The following ZNF638 variants were observed in gnomAD, a reference collection of about 807,000 sequenced individuals.
ZNF638 encodes CTCL tumor antigen se33-1.
Under a neutral mutation model 195.6 loss-of-function variants are expected in ZNF638, and 46 were observed. That is an observed-to-expected ratio of 0.24 (90% CI 0.19 to 0.30). The LOEUF (loss-of-function observed/expected upper bound fraction) is 0.30, where lower values mean the gene tolerates loss of function less well. ZNF638 is among the 10% of genes least tolerant of loss of function. The probability of loss-of-function intolerance (pLI) is 1.00; values close to 1 mark genes in which losing one functional copy is unlikely to be tolerated. For missense variants in ZNF638, 2,440 were observed against 2,325.3 expected, an observed-to-expected ratio of 1.05 and a Z score of -1.01; for synonymous variants, 845 against 772.0, an observed-to-expected ratio of 1.09 and a Z score of -1.57.
chr2:71,434,496 T>C (rs1489144415), intron 27 of ZNF638, among the ~76,000 whole-genome samples: 1 of 152,210 alleles, frequency 6.6e-6, no homozygotes, highest in Admixed American at 6.5e-5. Flanking sequence ...ATGTAAGCTT[T>C]ATTGTATAAA....
rs928315538 is a variant in ZNF638, at chr2:71,426,552, A to C, written c.4683A>C (p.Leu1561=). 1.2e-6 allele frequency: 2 copies of C among 1,614,102 alleles called. No homozygotes were observed. Among genetic ancestry groups the C allele is most frequent in the Non-Finnish European group, 1.7e-6 (2 of 1,180,006 alleles). ...VNPSQAKQNP[L]KGKRKETLKN... is the part of the protein sequence containing the mutation. ...CTTCTCAGGCCAAGCAGAATCCACT[A>C]AAGGGAAAAAGGAAAGAAACTCTCA... The change falls in exon 24 of 28, where the codon CTA becomes CTC. Residue 1561 remains leucine (L), a synonymous_variant. Coordinates refer to ENST00000264447, the MANE Select transcript of ZNF638 (RefSeq NM_014497.5).
intron 4 of ZNF638, 87 bp from the exon 5 acceptor site, chr2:71,363,866 GT>G (rs2079150676): frequency 1.4e-6 from 2 of 1,448,672 alleles, no homozygotes; most frequent in Non-Finnish European, 9.2e-7. Context: ...TTAACAGTCT[GT>G]TTTTAACAAG....
intron 21 of ZNF638, among the ~76,000 whole-genome samples, chr2:71,421,660 C>T (rs556473789): frequency 1.3e-5 from 2 of 152,174 alleles, no homozygotes; most frequent in Non-Finnish European, 2.9e-5. Flanking sequence ...AAAGGGATGG[C>T]TCATCCTCTC....
At chr2:71,345,782 C>T (rs779829005) in intron 1 of ZNF638, among the ~76,000 whole-genome samples, 3 of 152,114 alleles carry the variant, frequency 2.0e-5, no homozygotes, top group African/African-American at 7.2e-5. Flanking sequence ...CTAGGACTAC[C>T]GGCGTGAGTG....
In ZNF638 at chr2:71,367,431, A is replaced by ATTT. The variant is rs3077439; in HGVS notation, c.1996-933_1996-931dup. On this transcript the variant is annotated intron_variant, in intron 6 of 27. Coordinates refer to ENST00000264447, the MANE Select transcript of ZNF638 (RefSeq NM_014497.5). The stretch of plus-strand genomic sequence containing the variant: ...CCAACACACCCAGCTGGGTGTTTTA[A>ATTT]TTTTTTTTTTTTTTTTTTTTGAATC... Among the ~76,000 whole-genome samples, 96 of 112,710 alleles carry ATTT rather than the reference A, an allele frequency of 8.5e-4. 2 individuals are homozygous for ATTT. Among genetic ancestry groups the ATTT allele is most frequent in the African/African-American group, 2.7e-3 (77 of 28,822 alleles). 73.9% of individuals were successfully genotyped at this position (112,710 alleles called of 152,430 possible). A position where few individuals can be genotyped will look rare whatever the true frequency, so the allele number is the denominator to read the frequency against.
intron 10 of ZNF638, among the ~76,000 whole-genome samples, chr2:71,381,441 G>T (rs1440128701): frequency 1.3e-5 from 2 of 152,070 alleles, no homozygotes; most frequent in Non-Finnish European, 2.9e-5. Flanking sequence ...ATGGCTTCTG[G>T]AAGGCAGTAC....
intron 18 of ZNF638, among the ~76,000 whole-genome samples, chr2:71,405,903 C>T (rs571946990): frequency 3.2e-4 from 49 of 152,056 alleles, no homozygotes; most frequent in African/African-American, 9.4e-4. Flanking sequence ...TTTGGGTAAA[C>T]GTTATGTTGA....
chr2:71,420,116 C>T (rs1001942107), intron 21 of ZNF638, among the ~76,000 whole-genome samples: 1 of 150,134 alleles, frequency 6.7e-6, no homozygotes. Context: ...TTTTTAGAGA[C>T]AGGGTCTTGC....
chr2:71,395,535 G>A, intron 10 of ZNF638: 1 of 615,500 alleles, frequency 1.6e-6, no homozygotes, highest in East Asian at 2.8e-5. Flanking sequence ...AATTTATCTA[G>A]ACGAGTTTTA....
At chr2:71,391,235 C>T (rs1418703173) in intron 10 of ZNF638, among the ~76,000 whole-genome samples, 2 of 152,230 alleles carry the variant, frequency 1.3e-5, no homozygotes, top group East Asian at 3.9e-4. Context: ...CTCCCTTCCC[C>T]TGTGGCAATT....
rs772712142 is a variant in ZNF638, at chr2:71,356,793, AAT to A, written c.1379+1014_1379+1015del. Among the ~76,000 whole-genome samples the A allele has an allele frequency of 3.2e-3, 481 of 151,520 alleles. 23 individuals carry two copies. In the East Asian group the frequency reaches 0.086, roughly 27 times the overall value. On this transcript the variant is annotated intron_variant, in intron 3 of 27. Coordinates refer to ENST00000264447, the MANE Select transcript of ZNF638 (RefSeq NM_014497.5). ...GACAGCCTGTTTCAAAAAAAAAAAA[AAT>A]TTTTTTTTTTTAAGTAAGAATTTGT...
chr2:71,388,578 A>G (rs1285314170), intron 10 of ZNF638: 5 of 766,884 alleles, frequency 6.5e-6, no homozygotes, highest in Admixed American at 1.8e-5. Context: ...GCGCTCACGC[A>G]AAATACCTGT....
intron 8 of ZNF638, among the ~76,000 whole-genome samples, chr2:71,370,634 T>G (rs1044530562): frequency 7.9e-5 from 12 of 152,152 alleles, no homozygotes; most frequent in Non-Finnish European, 1.3e-4. Flanking sequence ...ATGTGTGTGT[T>G]TTTTAAAATA....
intron 6 of ZNF638, among the ~76,000 whole-genome samples, chr2:71,367,066 T>TA (rs1328120230): frequency 6.6e-6 from 1 of 152,128 alleles, no homozygotes; most frequent in Non-Finnish European, 1.5e-5. Flanking sequence ...CCAAAGAACT[T>TA]ACATTTAGAA....
rs1330433237 is a variant in ZNF638, at chr2:71,368,526, G to A, written c.2140G>A (p.Glu714Lys). Residue 714 changes from glutamate to lysine, a missense_variant and splice_region_variant, in exon 7 of 28, where the codon GAG becomes AAG. Coordinates refer to ENST00000264447, the MANE Select transcript of ZNF638 (RefSeq NM_014497.5). ...NDVLIVPYRK[E>K]AYLEMEFKEA... is the part of the protein sequence containing the mutation. ...TGTCCTAATTGTTCCATATAGAAAA[G>A]AGGTGAGTCATTTAGTCTGTGGCAA... 6.2e-7 allele frequency: 1 copy of A among 1,610,700 alleles called. No homozygotes were observed. The highest frequency in any genetic ancestry group is 1.7e-5 in the Admixed American group (1 of 59,070).
At chr2:71,364,734 A>G (rs2079165712) in intron 5 of ZNF638, among the ~76,000 whole-genome samples, 2 of 152,212 alleles carry the variant, frequency 1.3e-5, no homozygotes, top group East Asian at 1.9e-4. Flanking sequence ...AGTACTTTGC[A>G]CAGGTCTTAT....
chr2:71,404,002 A>G lies in ZNF638; in HGVS notation c.2958+4A>G, dbSNP rs751172513. 2 of 1,601,888 alleles carry G rather than the reference A, an allele frequency of 1.2e-6. No homozygotes were observed. The highest frequency in any genetic ancestry group is 1.7e-6 in the Non-Finnish European group (2 of 1,176,034). Reference sequence around the variant, plus strand: ...AAACATGAATATAAAAGATGAGGTAAATCAGACCACCATTTTTACTAGCTC... The same window carrying G: ...AAACATGAATATAAAAGATGAGGTAGATCAGACCACCATTTTTACTAGCTC... On this transcript the variant is annotated splice_donor_region_variant and intron_variant, in intron 17 of 27. Transcript: ENST00000264447.
intron 3 of ZNF638, among the ~76,000 whole-genome samples, chr2:71,358,363 C>A (rs1319232028): frequency 6.6e-6 from 1 of 152,132 alleles, no homozygotes; most frequent in East Asian, 1.9e-4. Flanking sequence ...TTCAAGAATC[C>A]ATTTTAATCA....
chr2:71,365,398 A>T (rs781563999), intron 5 of ZNF638, 31 bp from the exon 6 acceptor site: 1 of 1,512,084 alleles, frequency 6.6e-7, no homozygotes, highest in South Asian at 1.3e-5. Context: ...ATTTTTTTCC[A>T]ATTGAAATTA....
Sources: gnomAD v4.1 joint callset for allele counts (sites outside exome capture counted in the v4.1 genomes callset) on GRCh38, gnomAD v4.1.1 for gene constraint, MANE v1.5 for transcripts, NCBI Gene and HGNC (gene_info 2026-07-23, HGNC 2026-07-21) for gene names.